LRMDA: variants seen among roughly 807,000 people sequenced by gnomAD.
LRMDA encodes the protein leucine-rich melanocyte differentiation-associated protein.
In LRMDA, 18 loss-of-function variants were observed where a neutral mutation model predicts 29.8. The observed-to-expected ratio is 0.60, with a 90% CI of 0.42 to 0.90. The LOEUF (loss-of-function observed/expected upper bound fraction) is 0.90, where lower values mean the gene tolerates loss of function less well. Ranked by LOEUF, LRMDA falls within the 40% of genes least tolerant of loss-of-function variation. The pLI is 0.00. For missense variants in LRMDA, 273 were observed against 273.9 expected (o/e 1.00, Z 0.02); for synonymous variants, 125 against 109.4 (o/e 1.14, Z -0.89).
chr10:75,761,957 C>T (rs751343089), intron 2 of LRMDA, among the ~76,000 whole-genome samples: 10 of 151,944 alleles, frequency 6.6e-5, no homozygotes, highest in Admixed American at 3.3e-4. Context: ...TGTGCCACCA[C>T]GCCTGGCTAA....
intron 6 of LRMDA, among the ~76,000 whole-genome samples, chr10:76,427,684 T>A (rs1023738248): frequency 3.3e-5 from 5 of 152,286 alleles, no homozygotes; most frequent in Admixed American, 2.0e-4. Context: ...CTTGTGCCCG[T>A]TTTCAAAGGG....
At chr10:76,425,868 TTG>T (rs1842119840) in intron 6 of LRMDA, among the ~76,000 whole-genome samples, 1 of 152,068 alleles carries the variant, frequency 6.6e-6, no homozygotes, top group African/African-American at 2.4e-5. Context: ...TTTTTTGTCC[TTG>T]TGATATTTTG....
At chr10:76,232,891 G>A (rs540910934) in intron 5 of LRMDA, among the ~76,000 whole-genome samples, 1 of 152,306 alleles carries the variant, frequency 6.6e-6, no homozygotes, top group Admixed American at 6.5e-5. Flanking sequence ...TGTGCTGATT[G>A]GTTTGGGGGT....
chr10:75,933,455 A>G (rs1025102483), intron 2 of LRMDA, among the ~76,000 whole-genome samples: 1 of 152,236 alleles, frequency 6.6e-6, no homozygotes, highest in African/African-American at 2.4e-5. Flanking sequence ...CTTTGCATGA[A>G]AAAGAAATGA....
chr10:76,418,796 TTCAACA>T (rs1842044786), intron 6 of LRMDA, among the ~76,000 whole-genome samples: 1 of 152,108 alleles, frequency 6.6e-6, no homozygotes. Flanking sequence ...GTTATGAGTT[TTCAACA>T]TCAATGGGTA....
rs545097505 is a variant in LRMDA, at chr10:76,131,010, C to T, written c.516+72227C>T. On this transcript the variant is annotated intron_variant, in intron 5 of 6. Transcript: ENST00000611255. ...TGCAAGTGGAGTAATCTTCCAAGGGCATGATTTTGATTATGTATTTTTTCA... is the reference window on the plus strand; with the variant it reads ...TGCAAGTGGAGTAATCTTCCAAGGGTATGATTTTGATTATGTATTTTTTCA... Among the ~76,000 whole-genome samples the T allele has an allele frequency of 1.2e-4, 19 of 152,250 alleles. No individual in the cohort carries two copies. In the South Asian group the frequency reaches 3.9e-3, roughly 32 times the overall value.
chr10:75,881,865 C>T (rs181908232), intron 2 of LRMDA, among the ~76,000 whole-genome samples: 1 of 152,316 alleles, frequency 6.6e-6, no homozygotes, highest in Non-Finnish European at 1.5e-5. Flanking sequence ...ATTCTTTGTC[C>T]AAACTTCCAA....
At chr10:76,459,523 C>T (rs1162030776) in intron 6 of LRMDA, among the ~76,000 whole-genome samples, 25 of 152,144 alleles carry the variant, frequency 1.6e-4, no homozygotes, top group Admixed American at 1.6e-3. Flanking sequence ...TTAGTGCATC[C>T]AGAGAAGCGT....
chr10:76,384,016 C>T (rs1841629306), intron 6 of LRMDA, among the ~76,000 whole-genome samples: 1 of 152,068 alleles, frequency 6.6e-6, no homozygotes, highest in Admixed American at 6.6e-5. Flanking sequence ...CTCTCTCTCC[C>T]CCTTTCCATC....
Position 76,432,338 on chromosome 10 carries a change from G to C in LRMDA, c.601+107853G>C, listed in dbSNP as rs1013766758. ...CAAAAAGAGAACATAAAATGCTAGAGGAAAGATCATTCTAACACGGTGCAA... is the reference window on the plus strand; with the variant it reads ...CAAAAAGAGAACATAAAATGCTAGACGAAAGATCATTCTAACACGGTGCAA... On this transcript the variant is annotated intron_variant, in intron 6 of 6. Coordinates refer to ENST00000611255, the MANE Select transcript of LRMDA (RefSeq NM_001305581.2). 3.3e-5 allele frequency among the ~76,000 whole-genome samples: 5 copies of C among 152,236 alleles called. No homozygotes were observed. The South Asian group carries it at 1.0e-3, about 32-fold the overall frequency.
chr10:75,663,533 C>T (rs1455170273), intron 2 of LRMDA, among the ~76,000 whole-genome samples: 1 of 152,176 alleles, frequency 6.6e-6, no homozygotes, highest in Non-Finnish European at 1.5e-5. Context: ...TTCTGCAGAT[C>T]TCCAGAACTC....
At chr10:75,732,207 C>G (rs1349331838) in intron 2 of LRMDA, among the ~76,000 whole-genome samples, 1 of 152,164 alleles carries the variant, frequency 6.6e-6, no homozygotes, top group Non-Finnish European at 1.5e-5. Context: ...GGAGCACCGA[C>G]TCTCAAATGT....
intron 2 of LRMDA, among the ~76,000 whole-genome samples, chr10:75,873,651 A>G (rs1472780895): frequency 2.0e-5 from 3 of 152,222 alleles, no homozygotes. Context: ...AGCAGGTTAC[A>G]TTTATACTCT....
intron 5 of LRMDA, among the ~76,000 whole-genome samples, chr10:76,060,091 T>C (rs1848680533): frequency 6.6e-6 from 1 of 152,202 alleles, no homozygotes. Flanking sequence ...TTTTTATTTG[T>C]TTTTGGTGAA....
intron 6 of LRMDA, among the ~76,000 whole-genome samples, chr10:76,543,868 G>A (rs1843387530): frequency 6.6e-6 from 1 of 152,082 alleles, no homozygotes; most frequent in South Asian, 2.1e-4. Flanking sequence ...ATTGCTGGAG[G>A]CCTACCAATA....
chr10:76,550,582 A>G (rs1436829476), intron 6 of LRMDA, among the ~76,000 whole-genome samples: 1 of 149,674 alleles, frequency 6.7e-6, no homozygotes. Flanking sequence ...CCCAATATGC[A>G]GATGATAAAC....
At chr10:76,031,443 G>T (rs1001238565) in intron 2 of LRMDA, among the ~76,000 whole-genome samples, 6 of 152,108 alleles carry the variant, frequency 3.9e-5, no homozygotes, top group African/African-American at 1.4e-4. Context: ...CCCATGCTTG[G>T]ATTTATTGGC....
intron 2 of LRMDA, among the ~76,000 whole-genome samples, chr10:75,943,749 C>T (rs1444708333): frequency 6.6e-6 from 1 of 152,154 alleles, no homozygotes; most frequent in Non-Finnish European, 1.5e-5. Context: ...GCCATGGTTG[C>T]TTAGCTTCAT....
At chr10:76,210,093 G>A (rs970294857) in intron 5 of LRMDA, among the ~76,000 whole-genome samples, 2 of 152,166 alleles carry the variant, frequency 1.3e-5, no homozygotes, top group African/African-American at 4.8e-5. Flanking sequence ...GCAGATCCGA[G>A]CTTTGGCTTA....
Sources: allele counts gnomAD v4.1 joint callset (sites outside exome capture counted in the v4.1 genomes callset), GRCh38; gene constraint gnomAD v4.1.1; transcripts MANE v1.5; gene names NCBI Gene and HGNC (gene_info 2026-07-23, HGNC 2026-07-21).